Variants in GALNT13 observed in about 807,000 individuals in gnomAD.
The protein encoded by GALNT13 is polypeptide N-acetylgalactosaminyltransferase 13, also known as UDP-GalNAc:polypeptide N-acetylgalactosaminyltransferase 13.
Under a neutral mutation model 64.2 loss-of-function variants are expected in GALNT13, and 28 were observed. That is an observed-to-expected ratio of 0.44 (90% confidence interval 0.32 to 0.60). The LOEUF (loss-of-function observed/expected upper bound fraction) is 0.60. GALNT13 is among the 20% of genes least tolerant of loss of function. GALNT13 has a pLI of 0.05. For missense variants in GALNT13, 577 were observed against 669.8 expected (o/e 0.86, Z 1.53); for synonymous variants, 214 against 224.6 (o/e 0.95, Z 0.42).
chr2:154,248,355 A>G (rs1429738499), intron 7 of GALNT13, among the ~76,000 whole-genome samples: 6 of 152,102 alleles, frequency 3.9e-5, no homozygotes, highest in East Asian at 1.9e-4. Flanking sequence ...TTTTCATATT[A>G]TAACTATGGA....
the GALNT13 span, among the ~76,000 whole-genome samples, chr2:153,827,396 G>A: frequency 3.8e-3 from 584 of 152,212 alleles, 5 homozygotes; most frequent in African/African-American, 0.014. Flanking sequence ...GGCCGAGGTG[G>A]GTGGACCACG....
chr2:154,403,148 G>C (rs1574242414), intron 10 of GALNT13, among the ~76,000 whole-genome samples: 1 of 152,208 alleles, frequency 6.6e-6, no homozygotes, highest in East Asian at 1.9e-4. Flanking sequence ...TTTAGGCCTA[G>C]TGATAAAAAC....
At chr2:153,357,265 C>T in the GALNT13 span, 1 of 152,048 alleles carries the variant, frequency 6.6e-6, no homozygotes, top group African/African-American at 2.4e-5. Context: ...GAATTGGGAA[C>T]ACATTTAATG....
intron 4 of GALNT13, among the ~76,000 whole-genome samples, chr2:154,188,768 G>A (rs998236364): frequency 6.6e-6 from 1 of 151,900 alleles, no homozygotes; most frequent in African/African-American, 2.4e-5. Context: ...GAAATGTATA[G>A]GCTATTTCAT....
the GALNT13 span, among the ~76,000 whole-genome samples, chr2:153,753,133 T>C: frequency 6.6e-6 from 1 of 152,134 alleles, no homozygotes; most frequent in Non-Finnish European, 1.5e-5. Flanking sequence ...TCTGGTAGAA[T>C]CCTGAATTCC....
At chr2:153,707,615 T>C in the GALNT13 span, among the ~76,000 whole-genome samples, 14 of 152,330 alleles carry the variant, frequency 9.2e-5, no homozygotes, top group Admixed American at 7.8e-4. Context: ...TTGTACAAGC[T>C]CACTTGAGAG....
intron 4 of GALNT13, among the ~76,000 whole-genome samples, chr2:154,178,570 AAAT>A (rs201150569): frequency 0.031 from 4,775 of 152,206 alleles, 115 homozygotes; most frequent in East Asian, 0.12. Context: ...GTATAATTAA[AAAT>A]AATAATAATA....
chr2:153,969,457 TAGA>T (rs1367454497), intron 3 of GALNT13, among the ~76,000 whole-genome samples: 2 of 152,108 alleles, frequency 1.3e-5, no homozygotes, highest in African/African-American at 2.4e-5. Context: ...TATAGAAAAA[TAGA>T]AGAAGAATAT....
the GALNT13 span, among the ~76,000 whole-genome samples, chr2:153,617,875 G>A: frequency 2.0e-5 from 3 of 151,682 alleles, no homozygotes; most frequent in Admixed American, 2.0e-4. Flanking sequence ...ACAATACTTT[G>A]AATTTCTGTG....
At chr2:154,120,373 G>A (rs750247686) in intron 3 of GALNT13, among the ~76,000 whole-genome samples, 1 of 152,198 alleles carries the variant, frequency 6.6e-6, no homozygotes, top group South Asian at 2.1e-4. Flanking sequence ...GCTGGGCTTT[G>A]AGTTAGGTGC....
intron 9 of GALNT13, among the ~76,000 whole-genome samples, chr2:154,347,295 A>C (rs777747170): frequency 3.3e-5 from 5 of 152,096 alleles, no homozygotes; most frequent in African/African-American, 1.2e-4. Context: ...TTATCAATTC[A>C]TGGGAGCACA....
At chr2:153,636,102 G>A in the GALNT13 span, among the ~76,000 whole-genome samples, 1 of 151,888 alleles carries the variant, frequency 6.6e-6, no homozygotes, top group Non-Finnish European at 1.5e-5. Flanking sequence ...GACACAAAAC[G>A]CCCGTTATAT....
chr2:153,261,529 A>G, the GALNT13 span, among the ~76,000 whole-genome samples: 1 of 152,172 alleles, frequency 6.6e-6, no homozygotes, highest in African/African-American at 2.4e-5. Context: ...TCCCTCAAAC[A>G]AATGGAGCCT....
At chr2:153,430,900 C>G in the GALNT13 span, among the ~76,000 whole-genome samples, 1 of 151,740 alleles carries the variant, frequency 6.6e-6, no homozygotes, top group Non-Finnish European at 1.5e-5. Flanking sequence ...GCCTGTAATT[C>G]CAGCACTTTG....
At chr2:153,963,729 CTCTGTGTGTGTGTGTGTGTGTGTGTG>C (rs1196026953) in intron 3 of GALNT13, among the ~76,000 whole-genome samples, 2 of 117,240 alleles carry the variant, frequency 1.7e-5, no homozygotes, top group African/African-American at 6.7e-5. Flanking sequence ...CTCTCTCTCT[CTCTGTGTGTGTGTGTGTGTGTGTGTG>C]TGTGTGTGTG....
At chr2:153,672,815 A>G in the GALNT13 span, among the ~76,000 whole-genome samples, 1 of 151,604 alleles carries the variant, frequency 6.6e-6, no homozygotes, top group African/African-American at 2.4e-5. Context: ...CGCTAGCAAG[A>G]CTAATAAAGA....
the GALNT13 span, among the ~76,000 whole-genome samples, chr2:153,484,299 T>C: frequency 6.6e-6 from 1 of 152,188 alleles, no homozygotes. Flanking sequence ...CATTAAAAAC[T>C]TATATACACA....
chr2:153,478,208 A>C, the GALNT13 span: 1 of 1,578,528 alleles, frequency 6.3e-7, no homozygotes, highest in Non-Finnish European at 8.6e-7. Context: ...CAGGCGTGGG[A>C]GCGGTTGCCG....
At chr2:154,262,553 A>G (rs1005003790) in intron 8 of GALNT13, among the ~76,000 whole-genome samples, 1 of 152,184 alleles carries the variant, frequency 6.6e-6, no homozygotes, top group Non-Finnish European at 1.5e-5. Context: ...ACTGCATTAC[A>G]CAACAATCAC....
Sources: allele counts gnomAD v4.1 joint callset (sites outside exome capture counted in the v4.1 genomes callset), GRCh38; gene constraint gnomAD v4.1.1; transcripts MANE v1.5; gene names NCBI Gene and HGNC (gene_info 2026-07-23, HGNC 2026-07-21).